CEP83: variants seen among roughly 807,000 people sequenced by gnomAD.
CEP83 encodes centrosomal protein 83, also known as centrosomal protein of 83 kDa.
A neutral mutation model predicts 101.9 loss-of-function variants in CEP83; 70 were observed. The observed-to-expected ratio is 0.69, with a 90% confidence interval of 0.57 to 0.84. The LOEUF (loss-of-function observed/expected upper bound fraction) is 0.84, where lower values mean the gene tolerates loss of function less well. CEP83 is among the 40% of genes least tolerant of loss of function. The pLI, the probability that CEP83 is intolerant of heterozygous loss-of-function variation, is 0.00. For synonymous variants in CEP83, 264 were observed against 267.9 expected (o/e 0.99, Z 0.14); for missense variants, 715 against 787.2 (o/e 0.91, Z 1.10).
intron 11 of CEP83, among the ~76,000 whole-genome samples, chr12:94,347,016 C>G (rs2059963023): frequency 6.8e-6 from 1 of 147,402 alleles, no homozygotes; most frequent in South Asian, 2.1e-4. Flanking sequence ...CCAGCCTGGG[C>G]AACAGAGCAA....
intron 2 of CEP83, among the ~76,000 whole-genome samples, chr12:94,427,623 C>G (rs2065303750): frequency 6.6e-6 from 1 of 152,216 alleles, no homozygotes; most frequent in Non-Finnish European, 1.5e-5. Flanking sequence ...AGCACAGCTG[C>G]TGATGCTCAT....
At chr12:94,283,229 G>C in the CEP83 span, among the ~76,000 whole-genome samples, 1 of 152,308 alleles carries the variant, frequency 6.6e-6, no homozygotes, top group East Asian at 1.9e-4. Context: ...AATCCAAGAG[G>C]CTTCCTGGAG....
chr12:94,269,857 C>T, the CEP83 span, among the ~76,000 whole-genome samples: 1 of 152,148 alleles, frequency 6.6e-6, no homozygotes, highest in East Asian at 1.9e-4. Flanking sequence ...AGAGTGAAAC[C>T]ACTTTTTACA....
intron 6 of CEP83, 106 bp from the exon 7 acceptor site, chr12:94,379,148 C>T (rs916824262): frequency 1.0e-6 from 1 of 996,770 alleles, no homozygotes; most frequent in Admixed American, 2.8e-5. Flanking sequence ...AATCAAAGCT[C>T]AGGTGCTGAA....
At chr12:94,453,321 T>C (rs372391680) in intron 1 of CEP83, among the ~76,000 whole-genome samples, 1 of 152,310 alleles carries the variant, frequency 6.6e-6, no homozygotes, top group South Asian at 2.1e-4. Context: ...CTAGTTTTCT[T>C]TGACTAACTT....
At chr12:94,281,122 T>C in the CEP83 span, among the ~76,000 whole-genome samples, 2 of 152,192 alleles carry the variant, frequency 1.3e-5, no homozygotes, top group Admixed American at 1.3e-4. Flanking sequence ...CTACTACAAA[T>C]ACAAAAATTA....
intron 2 of CEP83, among the ~76,000 whole-genome samples, chr12:94,413,687 G>C (rs891277868): frequency 2.0e-5 from 3 of 152,020 alleles, no homozygotes; most frequent in African/African-American, 7.2e-5. Flanking sequence ...CAAAAGCACT[G>C]ACTCAGTATT....
At chr12:94,346,419 G>C (rs1375982313) in intron 11 of CEP83, among the ~76,000 whole-genome samples, 3 of 146,432 alleles carry the variant, frequency 2.0e-5, no homozygotes, top group Non-Finnish European at 3.0e-5. Flanking sequence ...TTGCACTCCA[G>C]CCTGGGTGAC....
intron 4 of CEP83, chr12:94,407,819 GT>G (rs2063636687): frequency 6.6e-6 from 1 of 152,124 alleles, no homozygotes; most frequent in East Asian, 1.9e-4. Flanking sequence ...CTTTTTGTTT[GT>G]TTGTTTGTTT....
chr12:94,436,024 G>A (rs370751513), intron 1 of CEP83, among the ~76,000 whole-genome samples: 1 of 152,120 alleles, frequency 6.6e-6, no homozygotes, highest in South Asian at 2.1e-4. Context: ...CCATCCCTAG[G>A]GGAAGGGGGT....
At chr12:94,460,038 T>G (rs572858103), upstream of CEP83, 1 of 152,204 alleles carries the variant, frequency 6.6e-6, no homozygotes, top group Admixed American at 6.5e-5. Flanking sequence ...GCCGGAGCCG[T>G]TAGAGGGAGG....
At chr12:94,292,617 T>TA in the CEP83 span, among the ~76,000 whole-genome samples, 1 of 152,210 alleles carries the variant, frequency 6.6e-6, no homozygotes. Context: ...TGCATACACA[T>TA]AATGAAATAT....
intron 12 of CEP83, among the ~76,000 whole-genome samples, chr12:94,334,528 T>C (rs2059374011): frequency 6.6e-6 from 1 of 152,156 alleles, no homozygotes; most frequent in African/African-American, 2.4e-5. Flanking sequence ...TCTTAGCCAT[T>C]TTCTGAAGAC....
At chr12:94,283,331 G>A in the CEP83 span, among the ~76,000 whole-genome samples, 12 of 152,306 alleles carry the variant, frequency 7.9e-5, no homozygotes, top group African/African-American at 2.2e-4. Flanking sequence ...GAGAGCATGC[G>A]TGTTAGACTA....
intron 11 of CEP83, among the ~76,000 whole-genome samples, chr12:94,343,337 C>A (rs546782910): frequency 6.6e-5 from 10 of 152,110 alleles, no homozygotes; most frequent in African/African-American, 2.4e-4. Context: ...TTTTTTGCAC[C>A]CTGGGTGCCT....
the CEP83 span, among the ~76,000 whole-genome samples, chr12:94,266,573 G>A: frequency 6.6e-6 from 1 of 152,188 alleles, no homozygotes; most frequent in Non-Finnish European, 1.5e-5. Flanking sequence ...GATGCTGCGG[G>A]TGCTGCTTAA....
chr12:94,431,199 T>A (rs552934620), intron 2 of CEP83, among the ~76,000 whole-genome samples: 1 of 152,190 alleles, frequency 6.6e-6, no homozygotes, highest in South Asian at 2.1e-4. Flanking sequence ...TGGGAAAGAA[T>A]GTCCCCTTCA....
chr12:94,358,093 C>T (rs1021024231), intron 11 of CEP83, among the ~76,000 whole-genome samples: 1 of 152,198 alleles, frequency 6.6e-6, no homozygotes, highest in African/African-American at 2.4e-5. Context: ...GTGGCCAATT[C>T]AACCTGCTCA....
At chr12:94,366,521 T>C (rs2061036120) in intron 11 of CEP83, among the ~76,000 whole-genome samples, 1 of 152,128 alleles carries the variant, frequency 6.6e-6, no homozygotes, top group African/African-American at 2.4e-5. Flanking sequence ...GTTTTCTCAC[T>C]GTCAAAAGAA....
Sources: gnomAD v4.1 joint callset for allele counts (sites outside exome capture counted in the v4.1 genomes callset) on GRCh38, gnomAD v4.1.1 for gene constraint, MANE v1.5 for transcripts, NCBI Gene and HGNC (gene_info 2026-07-23, HGNC 2026-07-21) for gene names.